NKAIN2: variants seen among roughly 807,000 people sequenced by gnomAD.
NKAIN2 encodes sodium/potassium-transporting ATPase subunit beta-1-interacting protein 2.
NKAIN2 carries 14 observed loss-of-function variants against 32.6 expected under a neutral mutation model. That is an observed-to-expected ratio of 0.43 (90% CI 0.28 to 0.67). The LOEUF is 0.67. Among genes scored for constraint, NKAIN2 ranks in the 30% least tolerant of loss-of-function variants. The pLI, the probability that NKAIN2 is intolerant of heterozygous loss-of-function variation, is 0.17. For missense variants in NKAIN2, 198 were observed against 258.3 expected (o/e 0.77, Z 1.60); for synonymous variants, 80 against 87.2 (o/e 0.92, Z 0.46).
intron 1 of NKAIN2, among the ~76,000 whole-genome samples, chr6:123,845,649 G>A (rs575374506): frequency 6.6e-6 from 1 of 152,270 alleles, no homozygotes; most frequent in South Asian, 2.1e-4. Context: ...ATGTAATAAG[G>A]AAGGCTGACT....
chr6:124,817,967 C>G (rs902533093), intron 5 of NKAIN2, among the ~76,000 whole-genome samples: 5 of 152,238 alleles, frequency 3.3e-5, no homozygotes, highest in African/African-American at 1.2e-4. Flanking sequence ...TGCAATTGCT[C>G]ATAGATACAT....
intron 1 of NKAIN2, among the ~76,000 whole-genome samples, chr6:123,928,256 A>G (rs1776097816): frequency 6.6e-6 from 1 of 152,132 alleles, no homozygotes; most frequent in Non-Finnish European, 1.5e-5. Flanking sequence ...ACTAGAGGAA[A>G]CAATGTGAGG....
intron 4 of NKAIN2, among the ~76,000 whole-genome samples, chr6:124,718,844 G>C (rs1341067148): frequency 6.6e-6 from 1 of 152,092 alleles, no homozygotes; most frequent in Non-Finnish European, 1.5e-5. Flanking sequence ...AGAGATGGCA[G>C]ATTTGGAGTG....
chr6:124,443,251 C>T (rs1775763582), intron 3 of NKAIN2, among the ~76,000 whole-genome samples: 1 of 152,028 alleles, frequency 6.6e-6, no homozygotes, highest in South Asian at 2.1e-4. Flanking sequence ...GCTACTTTTG[C>T]TCTTCTGTTT....
chr6:123,814,245 C>A (rs1773599757), intron 1 of NKAIN2, among the ~76,000 whole-genome samples: 2 of 152,084 alleles, frequency 1.3e-5, no homozygotes, highest in Admixed American at 1.3e-4. Context: ...GAATTGGAAT[C>A]CACAATAAAT....
chr6:124,162,810 T>G (rs1011354003), intron 1 of NKAIN2, among the ~76,000 whole-genome samples: 7 of 152,126 alleles, frequency 4.6e-5, no homozygotes, highest in African/African-American at 1.4e-4. Context: ...CTGTGATACC[T>G]TTATGTTTCT....
chr6:124,763,008 G>A (rs917233814), intron 4 of NKAIN2, among the ~76,000 whole-genome samples: 2 of 152,146 alleles, frequency 1.3e-5, no homozygotes, highest in South Asian at 4.1e-4. Context: ...GTTGAAAATG[G>A]GTAAACCTGG....
chr6:124,240,997 C>T (rs1490861404), intron 1 of NKAIN2, among the ~76,000 whole-genome samples: 2 of 152,082 alleles, frequency 1.3e-5, no homozygotes, highest in Non-Finnish European at 1.5e-5. Flanking sequence ...AAAACCCCAT[C>T]GTCTCAGCCC....
chr6:124,561,865 A>T (rs969890380), intron 3 of NKAIN2, among the ~76,000 whole-genome samples: 1 of 152,234 alleles, frequency 6.6e-6, no homozygotes. Flanking sequence ...CTCTCTGGAT[A>T]GCAGTCAACA....
chr6:123,899,936 G>A (rs188323925), intron 1 of NKAIN2, among the ~76,000 whole-genome samples: 4 of 152,242 alleles, frequency 2.6e-5, no homozygotes, highest in South Asian at 2.1e-4. Flanking sequence ...GAACTGAGCC[G>A]AGCACGGGAG....
intron 3 of NKAIN2, among the ~76,000 whole-genome samples, chr6:124,379,166 AGGGAGGGAGGGAAG>A (rs1800135376): frequency 1.6e-4 from 4 of 25,150 alleles, no homozygotes; most frequent in African/African-American, 1.5e-4. Context: ...AGGGGAGGGG[AGGGAGGGAGGGAAG>A]AGGAGGGGAG....
intron 4 of NKAIN2, among the ~76,000 whole-genome samples, chr6:124,668,499 T>A (rs551434944): frequency 1.1e-3 from 167 of 152,206 alleles, no homozygotes; most frequent in Non-Finnish European, 1.9e-3. Context: ...CCCTACCCCC[T>A]GTTCCATAAC....
intron 1 of NKAIN2, among the ~76,000 whole-genome samples, chr6:124,060,153 G>A (rs1782859058): frequency 6.6e-6 from 1 of 152,162 alleles, no homozygotes; most frequent in African/African-American, 2.4e-5. Flanking sequence ...CCACTGCTGT[G>A]TGGGCTAATG....
At chr6:124,123,189 TCAC>T (rs2114992206) in intron 1 of NKAIN2, among the ~76,000 whole-genome samples, 1 of 152,150 alleles carries the variant, frequency 6.6e-6, no homozygotes, top group South Asian at 2.1e-4. Context: ...GTGTTAAAGG[TCAC>T]CTTAAAAATT....
intron 1 of NKAIN2, among the ~76,000 whole-genome samples, chr6:124,177,773 A>ATTTTT (rs1216484529): frequency 4.5e-5 from 1 of 22,270 alleles, no homozygotes; most frequent in African/African-American, 1.4e-4. Flanking sequence ...CTGTTCATCC[A>ATTTTT]TTTTTTTTTT....
intron 3 of NKAIN2, among the ~76,000 whole-genome samples, chr6:124,544,905 A>G (rs1322906512): frequency 6.6e-6 from 1 of 152,192 alleles, no homozygotes; most frequent in Non-Finnish European, 1.5e-5. Context: ...GAAGGTAAAT[A>G]TAATTTGATG....
intron 3 of NKAIN2, among the ~76,000 whole-genome samples, chr6:124,456,245 C>T (rs1369060889): frequency 6.6e-6 from 1 of 151,330 alleles, no homozygotes; most frequent in African/African-American, 2.4e-5. Context: ...GGAAGTATTC[C>T]ATTCTGTAAT....
chr6:124,578,383 A>G (rs545966705), intron 3 of NKAIN2, among the ~76,000 whole-genome samples: 5 of 141,164 alleles, frequency 3.5e-5, no homozygotes, highest in Non-Finnish European at 7.8e-5. Context: ...ATTCAGCACA[A>G]GCTGACTAAA....
chr6:124,471,987 T>G (rs1414428594), intron 3 of NKAIN2, among the ~76,000 whole-genome samples: 1 of 140,008 alleles, frequency 7.1e-6, no homozygotes, highest in South Asian at 2.5e-4. Flanking sequence ...TAAAGTATGT[T>G]TTTTCTGAGT....
Sources: allele counts gnomAD v4.1 joint callset (sites outside exome capture counted in the v4.1 genomes callset), GRCh38; gene constraint gnomAD v4.1.1; transcripts MANE v1.5; gene names NCBI Gene and HGNC (gene_info 2026-07-23, HGNC 2026-07-21).